Variants in UNC5C observed in about 807,000 individuals in gnomAD.
UNC5C encodes unc-5 netrin receptor C, also known as netrin receptor UNC5C.
UNC5C carries 47 observed loss-of-function variants against 99.8 expected under a neutral mutation model. That is an observed-to-expected ratio of 0.47 (90% CI 0.37 to 0.60). UNC5C has a LOEUF of 0.60. Among genes scored for constraint, UNC5C ranks in the 20% least tolerant of loss-of-function variants. The probability of loss-of-function intolerance (pLI) is 0.00; values close to 1 mark genes in which losing one functional copy is unlikely to be tolerated. For synonymous variants in UNC5C, 487 were observed against 452.2 expected (o/e 1.08, Z -0.98); for missense variants, 1,062 against 1,165.9 (o/e 0.91, Z 1.30).
chr4:95,371,891 T>C (rs1744759345), intron 1 of UNC5C, among the ~76,000 whole-genome samples: 1 of 152,208 alleles, frequency 6.6e-6, no homozygotes, highest in Admixed American at 6.5e-5. Flanking sequence ...AATTTATTTA[T>C]AAAAACCATG....
chr4:95,341,596 C>A (rs575601919), intron 1 of UNC5C, among the ~76,000 whole-genome samples: 46 of 151,744 alleles, frequency 3.0e-4, no homozygotes, highest in African/African-American at 7.0e-4. Flanking sequence ...GGGGAGGAAG[C>A]AGAGCAAGAT....
intron 1 of UNC5C, among the ~76,000 whole-genome samples, chr4:95,384,857 A>G (rs1745170514): frequency 6.6e-6 from 1 of 152,136 alleles, no homozygotes; most frequent in Admixed American, 6.6e-5. Context: ...TAAAGGCTAA[A>G]TTGAGATTAG....
At chr4:95,254,440 C>A (rs2149383539) in intron 4 of UNC5C, among the ~76,000 whole-genome samples, 1 of 152,304 alleles carries the variant, frequency 6.6e-6, no homozygotes, top group Non-Finnish European at 1.5e-5. Flanking sequence ...ATCCAACCCA[C>A]AAAAACTCCA....
chr4:95,473,140 C>T (rs1166152258), intron 1 of UNC5C, among the ~76,000 whole-genome samples: 1 of 152,080 alleles, frequency 6.6e-6, no homozygotes, highest in African/African-American at 2.4e-5. Flanking sequence ...TAATTCATGC[C>T]AACTCTTCTT....
intron 1 of UNC5C, among the ~76,000 whole-genome samples, chr4:95,368,892 T>G: frequency 6.6e-6 from 1 of 151,800 alleles, no homozygotes; most frequent in East Asian, 1.9e-4. Flanking sequence ...TAAAATCCTG[T>G]GTGTGTGTGT....
chr4:95,338,853 G>C (rs1291243913), intron 1 of UNC5C, among the ~76,000 whole-genome samples: 1 of 151,952 alleles, frequency 6.6e-6, no homozygotes, highest in African/African-American at 2.4e-5. Flanking sequence ...CTACAAACAG[G>C]ACTGGCTACA....
chr4:95,354,347 C>A (rs553170481), intron 1 of UNC5C, among the ~76,000 whole-genome samples: 7 of 151,710 alleles, frequency 4.6e-5, no homozygotes, highest in African/African-American at 1.7e-4. Context: ...TCTTTCACCA[C>A]TCCCTGCCTT....
At chr4:95,336,211 G>A (rs1365801100) in intron 1 of UNC5C, among the ~76,000 whole-genome samples, 1 of 151,870 alleles carries the variant, frequency 6.6e-6, no homozygotes, top group Non-Finnish European at 1.5e-5. Flanking sequence ...CACACTTTGA[G>A]ATACATTTTA....
chr4:95,301,583 G>A (rs375848602), intron 3 of UNC5C, 23 bp downstream of exon 3: 42 of 1,613,404 alleles, frequency 2.6e-5, no homozygotes, highest in Non-Finnish European at 3.6e-5. Flanking sequence ...GAGACCCAAG[G>A]TGCTTATTGT....
chr4:95,537,332 T>C (rs1722806143), intron 1 of UNC5C, among the ~76,000 whole-genome samples: 1 of 152,172 alleles, frequency 6.6e-6, no homozygotes, highest in Non-Finnish European at 1.5e-5. Flanking sequence ...CTGTTGTTAC[T>C]TGTACAGAGC....
At chr4:95,506,561 T>G (rs1182785846) in intron 1 of UNC5C, among the ~76,000 whole-genome samples, 1 of 151,990 alleles carries the variant, frequency 6.6e-6, no homozygotes, top group Non-Finnish European at 1.5e-5. Flanking sequence ...TTACTTTACA[T>G]TTTTAAAAAA....
chr4:95,525,596 TAAAAAA>T (rs574532435), intron 1 of UNC5C, among the ~76,000 whole-genome samples: 1 of 102,158 alleles, frequency 9.8e-6, no homozygotes, highest in Admixed American at 1.1e-4. Flanking sequence ...GCCTATTTCT[TAAAAAA>T]AAAAAAAAAA....
intron 1 of UNC5C, among the ~76,000 whole-genome samples, chr4:95,499,115 T>G (rs2149483823): frequency 6.6e-6 from 1 of 152,252 alleles, no homozygotes; most frequent in South Asian, 2.1e-4. Flanking sequence ...AATATACTTC[T>G]TATTCTAGGA....
intron 2 of UNC5C, among the ~76,000 whole-genome samples, chr4:95,330,081 A>G (rs1292121502): frequency 6.6e-6 from 1 of 152,088 alleles, no homozygotes; most frequent in African/African-American, 2.4e-5. Flanking sequence ...CTGGTTGAAA[A>G]ACTGATCTTT....
At chr4:95,278,232 T>C (rs750819418) in intron 4 of UNC5C, 27 bp downstream of exon 4, 1 of 1,586,264 alleles carries the variant, frequency 6.3e-7, no homozygotes, top group South Asian at 1.1e-5. Context: ...TGCCAATTGC[T>C]AAATGCAAAG....
chr4:95,197,083 G>T, intron 12 of UNC5C, among the ~76,000 whole-genome samples: 1 of 113,104 alleles, frequency 8.8e-6, no homozygotes, highest in African/African-American at 3.8e-5. Flanking sequence ...TTATATTTAT[G>T]TAATATATAA....
rs550865444 is a variant in UNC5C at position 95,447,185 on chromosome 4, ATATG to A, written c.124+101545_124+101548del. Among the ~76,000 whole-genome samples the A allele has an allele frequency of 3.7e-3, 569 of 152,322 alleles. 3 individuals carry two copies. Among genetic ancestry groups the A allele is most frequent in the African/African-American group, 0.013 (552 of 41,570 alleles). On this transcript the variant is annotated intron_variant, in intron 1 of 15. Transcript: ENST00000453304. ...AGAGCTAGAGATTAGAAATACATAT[ATATG>A]TATTGTTATAAAATTCTATATTCAA...
In UNC5C at chr4:95,536,374, C is replaced by T. The variant is rs1054413042; in HGVS notation, c.124+12360G>A. Among the ~76,000 whole-genome samples, 3 of 152,190 alleles carry T rather than the reference C, an allele frequency of 2.0e-5. No homozygotes were observed. The East Asian group carries it at 5.8e-4, about 29-fold the overall frequency. On this transcript the variant is annotated intron_variant, in intron 1 of 15. Transcript: ENST00000453304. ...TACAGGCATGAGCCATTGCGCCCAG[C>T]CACTCAATATATTTTTTTTTAGTGT...
chr4:95,287,907 G>A (rs1304821021), intron 3 of UNC5C, among the ~76,000 whole-genome samples: 1 of 152,024 alleles, frequency 6.6e-6, no homozygotes, highest in Non-Finnish European at 1.5e-5. Flanking sequence ...GCTTGGTGCT[G>A]GGTATATAGC....
Sources: allele counts gnomAD v4.1 joint callset (sites outside exome capture counted in the v4.1 genomes callset), GRCh38; gene constraint gnomAD v4.1.1; transcripts MANE v1.5; gene names NCBI Gene and HGNC (gene_info 2026-07-23, HGNC 2026-07-21).